The following LPCAT1 variants were observed in gnomAD, a reference collection of about 807,000 sequenced individuals.
The protein encoded by LPCAT1 is 1-acylglycerol-3-phosphate O-acyltransferase.
In LPCAT1, 23 loss-of-function variants were observed where a neutral mutation model predicts 60.9. The ratio of observed to expected loss-of-function variants is 0.38; its 90% CI spans 0.27 to 0.53. The LOEUF (loss-of-function observed/expected upper bound fraction) is 0.53. LPCAT1 is among the 20% of genes least tolerant of loss of function. LPCAT1 has a pLI of 0.82. For synonymous variants in LPCAT1, 340 were observed against 301.1 expected (o/e 1.13, Z -1.34); for missense variants, 622 against 723.6 (o/e 0.86, Z 1.61).
chr5:1,480,375 T>G lies in LPCAT1; in HGVS notation c.761+567A>C, dbSNP rs1037226942. The G allele has an allele frequency of 4.1e-6, 4 of 985,144 alleles. No homozygotes were observed. Among genetic ancestry groups the G allele is most frequent in the Non-Finnish European group, 4.8e-6 (4 of 829,884 alleles). 61.0% of individuals were successfully genotyped at this position (985,144 alleles called of 1,614,324 possible). On this transcript the variant is annotated intron_variant, in intron 7 of 13. Coordinates refer to ENST00000283415, the MANE Select transcript of LPCAT1 (RefSeq NM_024830.5). The surrounding 1 kb of genome is among the most constrained non-coding windows in gnomAD (Gnocchi z 6.4). ...GAATGGAGCTGCTCTCTCTTGGACT[T>G]TCCCGCTCCCTCTGCCCTCCCGACG...
chr5:1,473,927 A>T (rs1734790857), intron 11 of LPCAT1, 30 bp downstream of exon 11: 4 of 1,594,986 alleles, frequency 2.5e-6, no homozygotes. Context: ...GGTTTTGCCG[A>T]CACCCCGCTC....
chr5:1,490,014 G>A (rs558349646), intron 3 of LPCAT1, among the ~76,000 whole-genome samples, 156 bp from the exon 4 acceptor site: 3 of 152,242 alleles, frequency 2.0e-5, no homozygotes, highest in Non-Finnish European at 2.9e-5. Context: ...CCCTGACTGA[G>A]GGAACGGGAA....
In LPCAT1 at chr5:1,473,951, C is replaced by T. The variant is rs1208317113; in HGVS notation, c.1179+6G>A. ...GACACCCCGCTCCGCAGGCGACAGG[C>T]CCTACCTCGTCGAACAGTGAAAACA... On this transcript the variant is annotated splice_donor_region_variant and intron_variant, in intron 11 of 13. Transcript: ENST00000283415. 3.1e-6 allele frequency: 5 copies of T among 1,613,838 alleles called. No homozygotes were observed. The highest frequency in any genetic ancestry group is 4.2e-6 in the Non-Finnish European group (5 of 1,179,906).
At chr5:1,465,398 G>A (rs1040461367) in intron 13 of LPCAT1, among the ~76,000 whole-genome samples, 4 of 144,266 alleles carry the variant, frequency 2.8e-5, no homozygotes, top group African/African-American at 7.9e-5. Context: ...ACATGCGCAT[G>A]CACACATGGT....
intron 1 of LPCAT1, 138 bp from the exon 2 acceptor site, chr5:1,501,741 T>C: frequency 1.2e-6 from 1 of 830,318 alleles, no homozygotes; most frequent in Admixed American, 2.2e-5. Flanking sequence ...GGCACACAGC[T>C]GACCAAGGCT....
intron 2 of LPCAT1, among the ~76,000 whole-genome samples, chr5:1,498,637 C>T (rs1735887385): frequency 6.7e-6 from 1 of 149,176 alleles, no homozygotes; most frequent in Admixed American, 6.7e-5. Context: ...CACATATACA[C>T]ACATACATGT....
At chr5:1,511,028 G>T (rs574343563) in intron 1 of LPCAT1, among the ~76,000 whole-genome samples, 1 of 152,190 alleles carries the variant, frequency 6.6e-6, no homozygotes, top group East Asian at 1.9e-4. Flanking sequence ...TTCCTCCTGC[G>T]GGGCGTCCCC....
intron 13 of LPCAT1, among the ~76,000 whole-genome samples, chr5:1,466,397 G>A (rs1734405768): frequency 1.3e-5 from 2 of 152,118 alleles, no homozygotes; most frequent in South Asian, 2.1e-4. Flanking sequence ...CACCCCGGCT[G>A]GCAGTGACAA....
intron 11 of LPCAT1, among the ~76,000 whole-genome samples, chr5:1,473,446 G>A (rs990166393): frequency 9.2e-5 from 14 of 152,254 alleles, no homozygotes; most frequent in Non-Finnish European, 1.9e-4. Context: ...GCCACCTGGT[G>A]TGACCGTGGA....
In LPCAT1 at chr5:1,487,213, C is replaced by T. The variant is rs796732525; in HGVS notation, c.667+1178G>A. ...TCTTCTGCCTGGGGCCTTGGAAACA[C>T]GGCCCACTTTTGGCCTTCACCAAGG... is the stretch of plus-strand genomic sequence containing the variant. On this transcript the variant is annotated intron_variant, in intron 5 of 13. Transcript: ENST00000283415. The surrounding 1 kb of genome is among the most constrained non-coding windows in gnomAD (Gnocchi z 6.1). Among the ~76,000 whole-genome samples, 28 of 152,338 alleles carry T rather than the reference C, an allele frequency of 1.8e-4. No homozygotes were observed. The highest frequency in any genetic ancestry group is 6.5e-4 in the African/African-American group (27 of 41,576).
Position 1,495,027 on chromosome 5 carries a change from G to C in LPCAT1, c.279-113C>G, listed in dbSNP as rs1735734566. 36 of 963,148 alleles carry C rather than the reference G, an allele frequency of 3.7e-5. No individual in the cohort carries two copies. Among genetic ancestry groups the C allele is most frequent in the Middle Eastern group, 6.6e-4 (2 of 3,048 alleles). The allele number at this position is 963,148 out of a possible 1,614,324, so 59.7% of individuals were successfully genotyped here. ...CTCCAGGGCGCAGTCCAGGCCACGG[G>C]CTTCCTGTGGTCGCCGCCGCTGGGA... On this transcript the variant is annotated intron_variant, in intron 2 of 13. Transcript: ENST00000283415. This position sits in a 1 kb window ranked among gnomAD's most constrained non-coding sequence, Gnocchi z 4.7.
Position 1,489,747 on chromosome 5 carries a change from T to C in LPCAT1, c.605A>G (p.Gln202Arg), listed in dbSNP as rs1735504225. 1 of 1,603,192 alleles carries C rather than the reference T, an allele frequency of 6.2e-7. No homozygotes were observed. The highest frequency in any genetic ancestry group is 8.5e-7 in the Non-Finnish European group (1 of 1,169,950). Residue 202 changes from glutamine to arginine, a missense_variant and splice_region_variant, in exon 4 of 14, where the codon CAG (glutamine) becomes CGG (arginine). Gln to Arg is a conservative substitution (Grantham distance 43). Around this residue, in one of 3 missense-constraint regions of LPCAT1, gnomAD observed 209 missense variants for 325.5 expected, o/e 0.64. Coordinates refer to ENST00000283415, the MANE Select transcript of LPCAT1 (RefSeq NM_024830.5). ...RRAQSNGKWP[Q>R]IMIFPEGTCT... ...CACAATCAGGGCTACGTGCATTACCTGTGGCCACTTTCCGTTGGACTGCGC... is the reference window on the plus strand; with the variant it reads ...CACAATCAGGGCTACGTGCATTACCCGTGGCCACTTTCCGTTGGACTGCGC...
chr5:1,495,274 TC>T lies in LPCAT1; in HGVS notation c.279-361del, dbSNP rs1443361408. Among the ~76,000 whole-genome samples the T allele has an allele frequency of 2.0e-5, 3 of 149,382 alleles. No individual in the cohort carries two copies. Among genetic ancestry groups the T allele is most frequent in the Non-Finnish European group, 3.0e-5 (2 of 67,180 alleles). On this transcript the variant is annotated intron_variant, in intron 2 of 13. Coordinates refer to ENST00000283415, the MANE Select transcript of LPCAT1 (RefSeq NM_024830.5). This position sits in a 1 kb window ranked among gnomAD's most constrained non-coding sequence, Gnocchi z 4.7. ...CATGTTAGCAACTTATTTATCAGCA[TC>T]CTATCATTTTGAAATGGGAAAAACA...
Position 1,480,411 on chromosome 5 carries a change from CG to C in LPCAT1, c.761+530del. The C allele has an allele frequency of 1.0e-6, 1 of 983,782 alleles. No individual in the cohort carries two copies. Among genetic ancestry groups the C allele is most frequent in the South Asian group, 4.7e-5 (1 of 21,254 alleles). The allele number at this position is 983,782 out of a possible 1,614,324, so 60.9% of individuals were successfully genotyped here. On this transcript the variant is annotated intron_variant, in intron 7 of 13. Transcript: ENST00000283415. This position sits in a 1 kb window ranked among gnomAD's most constrained non-coding sequence, Gnocchi z 6.4. ...TCTGCCCTCCCGACGTCAGCTCAGA[CG>C]TCAGCACCCAGGAGGCCCTGACCAG...
Position 1,463,650 on chromosome 5 carries a change from C to T in LPCAT1, c.*1G>A. On this transcript the variant is annotated 3_prime_UTR_variant, in exon 14 of 14. Coordinates refer to ENST00000283415, the MANE Select transcript of LPCAT1 (RefSeq NM_024830.5). ...GCCGCGTCTCTCCGCAACCCTGGGT[C>T]CTAATCCAGCTTCTTGCGAACAGGC... is the stretch of plus-strand genomic sequence containing the variant. 6.2e-7 allele frequency: 1 copy of T among 1,613,998 alleles called. No homozygotes were observed. The highest frequency in any genetic ancestry group is 8.5e-7 in the Non-Finnish European group (1 of 1,180,028).
intron 11 of LPCAT1, among the ~76,000 whole-genome samples, chr5:1,471,385 A>C (rs1332675712): frequency 2.0e-5 from 3 of 152,166 alleles, no homozygotes; most frequent in Non-Finnish European, 1.5e-5. Context: ...CCCCGCGCTG[A>C]CCATTCTCAG....
At chr5:1,506,627 G>A (rs953191958) in intron 1 of LPCAT1, among the ~76,000 whole-genome samples, 2 of 152,232 alleles carry the variant, frequency 1.3e-5, no homozygotes, top group Non-Finnish European at 2.9e-5. Flanking sequence ...ACTGGCAGGG[G>A]TGGCCAAGGG....
At chr5:1,484,479 C>T (rs140032716) in intron 5 of LPCAT1, among the ~76,000 whole-genome samples, 68 of 152,360 alleles carry the variant, frequency 4.5e-4, no homozygotes, top group Admixed American at 9.1e-4. Flanking sequence ...CCCTGCCTGG[C>T]GACCTGAGGC....
intron 7 of LPCAT1, 134 bp from the exon 8 acceptor site, chr5:1,479,809 G>C (rs1028801139): frequency 1.6e-5 from 11 of 690,976 alleles, no homozygotes; most frequent in African/African-American, 1.1e-4. Flanking sequence ...TCCCACGGAG[G>C]GGGTGCCGTG....
Sources: allele counts gnomAD v4.1 joint callset (sites outside exome capture counted in the v4.1 genomes callset), GRCh38; gene constraint gnomAD v4.1.1; regional missense constraint gnomAD v4.1.1; non-coding constraint Gnocchi (gnomAD v3.1); transcripts MANE v1.5; gene names NCBI Gene and HGNC (gene_info 2026-07-23, HGNC 2026-07-21).